Variants in OPCML observed in about 807,000 individuals in gnomAD.
The protein encoded by OPCML is opioid binding protein/cell adhesion molecule like, also known as opioid-binding protein/cell adhesion molecule.
A neutral mutation model predicts 37.8 loss-of-function variants in OPCML; 13 were observed. That is an observed-to-expected ratio of 0.34 (90% CI 0.22 to 0.55). The LOEUF (loss-of-function observed/expected upper bound fraction) is 0.55. Ranked by LOEUF, OPCML falls within the 20% of genes least tolerant of loss-of-function variation. The pLI, the probability that OPCML is intolerant of heterozygous loss-of-function variation, is 0.91. For synonymous variants in OPCML, 176 were observed against 168.8 expected, an observed-to-expected ratio of 1.04 and a Z score of -0.33; for missense variants, 341 against 435.6, an observed-to-expected ratio of 0.78 and a Z score of 1.93.
intron 2 of OPCML, among the ~76,000 whole-genome samples, chr11:132,702,389 C>T (rs1311549062): frequency 1.3e-5 from 2 of 152,168 alleles, no homozygotes; most frequent in African/African-American, 4.8e-5. Context: ...TCTTTCCTGG[C>T]TGCAAATCTG....
At chr11:132,850,547 T>C (rs571932124) in intron 2 of OPCML, among the ~76,000 whole-genome samples, 79 of 145,856 alleles carry the variant, frequency 5.4e-4, no homozygotes, top group African/African-American at 1.5e-3. Context: ...GTGTGTGTGT[T>C]TACACTTTAG....
At chr11:132,696,822 T>C (rs1943617703) in intron 2 of OPCML, among the ~76,000 whole-genome samples, 1 of 151,624 alleles carries the variant, frequency 6.6e-6, no homozygotes, top group Non-Finnish European at 1.5e-5. Flanking sequence ...AATTAGAGAA[T>C]GGAGAAAGTA....
chr11:133,328,407 C>A (rs1008416236), intron 1 of OPCML, among the ~76,000 whole-genome samples: 2 of 152,128 alleles, frequency 1.3e-5, no homozygotes, highest in Non-Finnish European at 2.9e-5. Context: ...ATCCACCTGC[C>A]TCGGCCTCCC....
intron 2 of OPCML, among the ~76,000 whole-genome samples, chr11:132,903,534 G>A (rs868170499): frequency 2.1e-4 from 32 of 152,136 alleles, no homozygotes; most frequent in African/African-American, 6.5e-4. Context: ...GGAATTGGGC[G>A]TTGGACATGC....
At chr11:132,908,791 A>G (rs1398797725) in intron 2 of OPCML, among the ~76,000 whole-genome samples, 1 of 152,258 alleles carries the variant, frequency 6.6e-6, no homozygotes, top group East Asian at 1.9e-4. Context: ...ATAAGTGATG[A>G]TAGAGGAGCC....
chr11:132,971,975 T>C (rs761360096), intron 1 of OPCML, among the ~76,000 whole-genome samples: 14 of 152,184 alleles, frequency 9.2e-5, no homozygotes, highest in Non-Finnish European at 1.9e-4. Flanking sequence ...CAAGCATCAA[T>C]GTGGAGTCAT....
chr11:132,759,677 T>C (rs1946191267), intron 2 of OPCML, among the ~76,000 whole-genome samples: 1 of 152,188 alleles, frequency 6.6e-6, no homozygotes, highest in Non-Finnish European at 1.5e-5. Flanking sequence ...GTCTTTTTGA[T>C]TCTTCTCTCT....
rs527450558 is a variant in OPCML, at chr11:132,689,396, G to A, written c.147-32077C>T. On this transcript the variant is annotated intron_variant, in intron 2 of 7. Coordinates refer to ENST00000524381, the MANE Select transcript of OPCML (RefSeq NM_001012393.5). ...TAAAGAGTAATGGTTTTGTTCTGAG[G>A]AATAGGGCAAAGACTCTCTCCGTGT... Among the ~76,000 whole-genome samples the A allele has an allele frequency of 3.9e-5, 6 of 152,212 alleles. 1 individual carries two copies. The South Asian group carries it at 1.2e-3, about 32-fold the overall frequency.
At chr11:132,557,829 G>C (rs1375477441) in intron 3 of OPCML, among the ~76,000 whole-genome samples, 1 of 152,192 alleles carries the variant, frequency 6.6e-6, no homozygotes, top group African/African-American at 2.4e-5. Context: ...ATGGGCACCA[G>C]GAGAGTCAGA....
At chr11:133,154,082 G>A (rs1388540992) in intron 1 of OPCML, among the ~76,000 whole-genome samples, 1 of 152,104 alleles carries the variant, frequency 6.6e-6, no homozygotes, top group East Asian at 1.9e-4. Context: ...AATAGGAGCA[G>A]CTCACACAGA....
At chr11:133,020,672 AGCTGACACAAGTCAGTTCTTG>A (rs975930275) in intron 1 of OPCML, among the ~76,000 whole-genome samples, 2 of 152,186 alleles carry the variant, frequency 1.3e-5, no homozygotes, top group Non-Finnish European at 2.9e-5. Flanking sequence ...GATCAAAATA[AGCTGACACAAGTCAGTTCTTG>A]GCTGATACCT....
At chr11:133,355,366 A>G (rs1270614828) in intron 1 of OPCML, among the ~76,000 whole-genome samples, 1 of 152,242 alleles carries the variant, frequency 6.6e-6, no homozygotes, top group East Asian at 1.9e-4. Flanking sequence ...GAGTCATAAT[A>G]CAAGTCTATA....
chr11:133,047,520 C>A (rs1948039498), intron 1 of OPCML, among the ~76,000 whole-genome samples: 1 of 152,184 alleles, frequency 6.6e-6, no homozygotes, highest in Admixed American at 6.5e-5. Context: ...TCAGGGAATT[C>A]TGCCGGCTCT....
chr11:133,337,560 C>T (rs1289960369), intron 1 of OPCML, among the ~76,000 whole-genome samples: 1 of 152,184 alleles, frequency 6.6e-6, no homozygotes, highest in Non-Finnish European at 1.5e-5. Flanking sequence ...AGTGCCTTTA[C>T]CTGCTGCTGT....
chr11:132,568,443 A>G lies in OPCML; in HGVS notation c.380-39257T>C, dbSNP rs569109403. On this transcript the variant is annotated intron_variant, in intron 3 of 7. Transcript: ENST00000524381. ...TCAGTATATGACTTTATTTGGAAACAGGGTCTTTGCAGACATAACTATACT... is the reference window on the plus strand; with the variant it reads ...TCAGTATATGACTTTATTTGGAAACGGGGTCTTTGCAGACATAACTATACT... Among the ~76,000 whole-genome samples the G allele has an allele frequency of 3.9e-5, 6 of 152,362 alleles. No homozygotes were observed. In the East Asian group the frequency reaches 9.7e-4, roughly 25 times the overall value.
chr11:133,113,852 T>G (rs1949292960), intron 1 of OPCML, among the ~76,000 whole-genome samples: 1 of 152,262 alleles, frequency 6.6e-6, no homozygotes, highest in African/African-American at 2.4e-5. Context: ...AGGCACATAT[T>G]GAATTCTTTC....
chr11:132,437,807 T>C (rs2096018296), intron 4 of OPCML, among the ~76,000 whole-genome samples: 1 of 152,248 alleles, frequency 6.6e-6, no homozygotes, highest in African/African-American at 2.4e-5. Flanking sequence ...TGTTTTTGTA[T>C]GCAGAATACA....
At chr11:132,701,224 G>T (rs1943800991) in intron 2 of OPCML, among the ~76,000 whole-genome samples, 1 of 152,210 alleles carries the variant, frequency 6.6e-6, no homozygotes, top group Admixed American at 6.5e-5. Flanking sequence ...GAGAGCTAGT[G>T]CAGGAGAACT....
chr11:132,717,643 A>G (rs1944539853), intron 2 of OPCML, among the ~76,000 whole-genome samples: 2 of 152,320 alleles, frequency 1.3e-5, no homozygotes, highest in Admixed American at 6.5e-5. Context: ...TGTAGTTAAA[A>G]AAGTTAAATT....
Sources: gnomAD v4.1 joint callset for allele counts (sites outside exome capture counted in the v4.1 genomes callset) on GRCh38, gnomAD v4.1.1 for gene constraint, MANE v1.5 for transcripts, NCBI Gene and HGNC (gene_info 2026-07-23, HGNC 2026-07-21) for gene names.